Variants in SEMA3A observed in about 807,000 individuals in gnomAD.
SEMA3A encodes the protein semaphorin 3A.
Under a neutral mutation model 97.9 loss-of-function variants are expected in SEMA3A, and 29 were observed. The ratio of observed to expected loss-of-function variants is 0.30; its 90% CI spans 0.22 to 0.40. The LOEUF is 0.40. SEMA3A is among the 10% of genes least tolerant of loss of function. The probability of loss-of-function intolerance (pLI) is 1.00; values close to 1 mark genes in which losing one functional copy is unlikely to be tolerated. For missense variants in SEMA3A, 763 were observed against 951.3 expected (o/e 0.80, Z 2.60); for synonymous variants, 321 against 323.7 (o/e 0.99, Z 0.09).
chr7:84,036,195 T>G (rs192685516), intron 6 of SEMA3A, among the ~76,000 whole-genome samples: 1 of 152,240 alleles, frequency 6.6e-6, no homozygotes, highest in African/African-American at 2.4e-5. Flanking sequence ...AACTCCTCCC[T>G]TACTCTATGA....
rs2116246986 is a variant in SEMA3A at position 83,961,533 on chromosome 7, C to T, written c.2154G>A (p.Met718Ile). The T allele has an allele frequency of 6.2e-7, 1 of 1,614,092 alleles. No homozygotes were observed. Among genetic ancestry groups the T allele is most frequent in the African/African-American group, 1.3e-5 (1 of 75,018 alleles). Residue 718 changes from methionine (M) to isoleucine (I), a missense_variant, in exon 17 of 17, where the codon ATG (methionine) becomes ATA (isoleucine). Transcript: ENST00000265362. ...QLINHPNLNT[M>I]DEFCEQVWKR... is the part of the protein sequence containing the mutation. ...TCCAAACTTGTTCACAGAACTCATC[C>T]ATTGTGTTGAGATTGGGGTGGTTGA... is the stretch of plus-strand genomic sequence containing the variant.
intron 2 of SEMA3A, among the ~76,000 whole-genome samples, chr7:84,352,524 CATAAAA>C (rs749147737): frequency 1.4e-4 from 21 of 151,274 alleles, no homozygotes; most frequent in African/African-American, 2.2e-4. Context: ...ACTATGTACC[CATAAAA>C]ATAAAAATAA....
At chr7:84,121,638 C>T (rs1795621460) in intron 3 of SEMA3A, among the ~76,000 whole-genome samples, 4 of 12,856 alleles carry the variant, frequency 3.1e-4, no homozygotes, top group African/African-American at 1.6e-3. Flanking sequence ...GGTTCCAAGT[C>T]TTTTTTTTTT....
chr7:84,406,250 A>G (rs1389544556), intron 1 of SEMA3A, among the ~76,000 whole-genome samples: 1 of 152,210 alleles, frequency 6.6e-6, no homozygotes, highest in Non-Finnish European at 1.5e-5. Flanking sequence ...ACAAACTACC[A>G]TCAGAGAATA....
chr7:84,129,041 A>G, intron 3 of SEMA3A, 82 bp downstream of exon 3: 1 of 1,084,288 alleles, frequency 9.2e-7, no homozygotes, highest in Non-Finnish European at 1.4e-6. Context: ...CAAAAAAATC[A>G]GAAATTTGAA....
intron 2 of SEMA3A, among the ~76,000 whole-genome samples, chr7:84,133,659 G>T (rs1466729545): frequency 6.6e-6 from 1 of 151,976 alleles, no homozygotes; most frequent in East Asian, 1.9e-4. Context: ...CAGAAATACT[G>T]ACTGTGATAA....
intron 3 of SEMA3A, among the ~76,000 whole-genome samples, chr7:84,114,637 C>G (rs1795372384): frequency 6.6e-6 from 1 of 152,060 alleles, no homozygotes; most frequent in Non-Finnish European, 1.5e-5. Flanking sequence ...TTTCTCTGGT[C>G]AATTTATCTG....
chr7:83,959,891 A>G lies in SEMA3A; in HGVS notation c.*1480T>C, dbSNP rs935890911. On this transcript the variant is annotated 3_prime_UTR_variant, in exon 17 of 17. Transcript: ENST00000265362. ...TCGTCTTAGGACAATGAAGGAAGCA[A>G]ATCTTGAATTTTAGTCTTTTACCTT... The G allele has an allele frequency of 1.3e-5, 2 of 152,070 alleles. No individual in the cohort carries two copies. Among genetic ancestry groups the G allele is most frequent in the Admixed American group, 6.6e-5 (1 of 15,246 alleles). 9.4% of individuals were successfully genotyped at this position (152,070 alleles called of 1,614,324 possible).
intron 1 of SEMA3A, among the ~76,000 whole-genome samples, chr7:84,472,667 C>T (rs1483433812): frequency 6.6e-6 from 1 of 152,064 alleles, no homozygotes; most frequent in African/African-American, 2.4e-5. Flanking sequence ...ACTTATATGT[C>T]GCACAGGATC....
chr7:84,367,574 A>G (rs1802878630), intron 2 of SEMA3A, among the ~76,000 whole-genome samples: 1 of 150,982 alleles, frequency 6.6e-6, no homozygotes, highest in Non-Finnish European at 1.5e-5. Context: ...CAGCTCTTCC[A>G]GTTACTTCAG....
At chr7:84,014,493 T>C (rs1562973364) in intron 6 of SEMA3A, 142 bp from the exon 7 acceptor site, 5 of 661,538 alleles carry the variant, frequency 7.6e-6, no homozygotes, top group Non-Finnish European at 1.0e-5. Context: ...TGTAGGTACA[T>C]ATTAATTGTT....
intron 1 of SEMA3A, among the ~76,000 whole-genome samples, chr7:84,468,827 T>A (rs572269967): frequency 2.6e-5 from 4 of 152,176 alleles, no homozygotes; most frequent in African/African-American, 4.8e-5. Context: ...CTTTTTTTTT[T>A]AGAAAAATGA....
chr7:84,307,223 T>A (rs1229348688), exon 3 of SEMA3A: 1 of 152,124 alleles, frequency 6.6e-6, no homozygotes, highest in Non-Finnish European at 1.5e-5. Flanking sequence ...TTAGGAAAAA[T>A]TCTTAATTCC....
intron 4 of SEMA3A, among the ~76,000 whole-genome samples, chr7:84,083,905 T>G (rs1339120435): frequency 6.6e-6 from 1 of 152,072 alleles, no homozygotes; most frequent in African/African-American, 2.4e-5. Flanking sequence ...GTTACTGTTA[T>G]ATTTATTATA....
intron 5 of SEMA3A, among the ~76,000 whole-genome samples, chr7:84,055,192 C>G (rs995746826): frequency 1.5e-4 from 23 of 152,304 alleles, no homozygotes; most frequent in African/African-American, 5.1e-4. Context: ...GTGGAGCCTA[C>G]AGAGGCAGGC....
At chr7:84,028,127 G>C (rs1385475350) in intron 6 of SEMA3A, among the ~76,000 whole-genome samples, 1 of 152,148 alleles carries the variant, frequency 6.6e-6, no homozygotes, top group African/African-American at 2.4e-5. Context: ...TGATTGGAGA[G>C]ACACACGATA....
At chr7:84,425,311 TATA>T (rs1383519011) in intron 1 of SEMA3A, among the ~76,000 whole-genome samples, 3 of 113,734 alleles carry the variant, frequency 2.6e-5, no homozygotes, top group Non-Finnish European at 4.8e-5. Flanking sequence ...AAATATATAA[TATA>T]ATGATATAAA....
intron 1 of SEMA3A, among the ~76,000 whole-genome samples, chr7:84,449,982 T>C (rs77845662): frequency 0.027 from 4,058 of 152,272 alleles, 168 homozygotes; most frequent in African/African-American, 0.091. Context: ...CATTCATCCA[T>C]CCACATACGT....
intron 1 of SEMA3A, among the ~76,000 whole-genome samples, chr7:84,167,191 G>T (rs1260745879): frequency 6.6e-6 from 1 of 152,020 alleles, no homozygotes; most frequent in Non-Finnish European, 1.5e-5. Context: ...CCCTAGAAAG[G>T]TCACATGTGG....
Sources: allele counts gnomAD v4.1 joint callset (sites outside exome capture counted in the v4.1 genomes callset), GRCh38; gene constraint gnomAD v4.1.1; transcripts MANE v1.5; gene names NCBI Gene and HGNC (gene_info 2026-07-23, HGNC 2026-07-21).